IGSF11: variants seen among roughly 807,000 people sequenced by gnomAD.
The protein encoded by IGSF11 is CXADR like 1.
A neutral mutation model predicts 41.0 loss-of-function variants in IGSF11; 22 were observed. The observed-to-expected ratio is 0.54, with a 90% CI of 0.38 to 0.77. The LOEUF is 0.77. Among genes scored for constraint, IGSF11 ranks in the 30% least tolerant of loss-of-function variants. IGSF11 has a pLI of 0.00. For synonymous variants in IGSF11, 219 were observed against 201.3 expected (o/e 1.09, Z -0.74); for missense variants, 444 against 530.8 (o/e 0.84, Z 1.61).
intron 1 of IGSF11, among the ~76,000 whole-genome samples, chr3:118,992,506 T>C (rs1234706495): frequency 6.6e-6 from 1 of 152,224 alleles, no homozygotes; most frequent in Non-Finnish European, 1.5e-5. Flanking sequence ...ATTAACAGAT[T>C]CTTGCAAATA....
At chr3:119,029,277 C>CCGA (rs1553716858) in intron 1 of IGSF11, among the ~76,000 whole-genome samples, 9,837 of 145,664 alleles carry the variant, frequency 0.068, 428 homozygotes, top group Admixed American at 0.094. Context: ...CACACACACC[C>CCGA]GAGAGAGAGA....
intron 1 of IGSF11, among the ~76,000 whole-genome samples, chr3:118,932,161 G>A (rs1361558007): frequency 6.6e-6 from 1 of 152,158 alleles, no homozygotes; most frequent in Non-Finnish European, 1.5e-5. Flanking sequence ...CAAAATAACT[G>A]TTTTCTCTTC....
chr3:118,946,838 G>A (rs751858875), intron 1 of IGSF11, among the ~76,000 whole-genome samples: 4 of 152,184 alleles, frequency 2.6e-5, no homozygotes, highest in East Asian at 1.9e-4. Flanking sequence ...ATGGCCGGGC[G>A]CAGTGGCTCA....
chr3:119,093,879 A>T (rs1228438397), intron 1 of IGSF11, among the ~76,000 whole-genome samples: 3 of 152,160 alleles, frequency 2.0e-5, no homozygotes, highest in African/African-American at 4.8e-5. Context: ...TGGATAATTT[A>T]TCATGAGAAA....
At chr3:118,940,007 AAAG>A (rs1365301935) in intron 1 of IGSF11, among the ~76,000 whole-genome samples, 3 of 152,204 alleles carry the variant, frequency 2.0e-5, no homozygotes, top group African/African-American at 7.2e-5. Context: ...TTCAGATATG[AAAG>A]AAGAGACATA....
At chr3:118,984,287 C>G (rs1029701480) in intron 1 of IGSF11, among the ~76,000 whole-genome samples, 1 of 151,864 alleles carries the variant, frequency 6.6e-6, no homozygotes, top group Non-Finnish European at 1.5e-5. Flanking sequence ...ATAACAGGGA[C>G]ACAAAGCACA....
At chr3:119,052,279 A>G (rs532610611) in intron 1 of IGSF11, among the ~76,000 whole-genome samples, 1 of 152,244 alleles carries the variant, frequency 6.6e-6, no homozygotes, top group Admixed American at 6.5e-5. Context: ...CAGGAGTTCG[A>G]GACAAGTCTG....
intron 3 of IGSF11, 86 bp downstream of exon 3, chr3:118,928,423 G>A (rs1942543291): frequency 1.1e-6 from 1 of 950,716 alleles, no homozygotes; most frequent in Admixed American, 1.9e-5. Context: ...CAGACTGAAG[G>A]TGTAGAAACA....
At chr3:119,008,774 T>G (rs1937724271) in intron 1 of IGSF11, among the ~76,000 whole-genome samples, 1 of 152,202 alleles carries the variant, frequency 6.6e-6, no homozygotes, top group Non-Finnish European at 1.5e-5. Flanking sequence ...GAGGGTGTTT[T>G]TTAATGAGAT....
chr3:119,005,546 T>G (rs1009418210), intron 1 of IGSF11, among the ~76,000 whole-genome samples: 1 of 138,852 alleles, frequency 7.2e-6, no homozygotes, highest in East Asian at 2.0e-4. Flanking sequence ...TTGATGCAGT[T>G]TCTTCCTAGT....
intron 1 of IGSF11, among the ~76,000 whole-genome samples, chr3:119,110,924 T>C (rs2077145293): frequency 6.6e-6 from 1 of 151,854 alleles, no homozygotes; most frequent in Non-Finnish European, 1.5e-5. Flanking sequence ...TGGCCCCCAC[T>C]CTCTTCTGGC....
intron 4 of IGSF11, among the ~76,000 whole-genome samples, chr3:118,914,243 C>G (rs187976780): frequency 6.6e-6 from 1 of 151,902 alleles, no homozygotes; most frequent in African/African-American, 2.4e-5. Context: ...AATAGAAAAT[C>G]GGGGAGGAGC....
chr3:119,139,708 A>C (rs536891886), intron 1 of IGSF11, among the ~76,000 whole-genome samples: 2 of 152,318 alleles, frequency 1.3e-5, no homozygotes, highest in South Asian at 4.1e-4. Flanking sequence ...AAAATGGACT[A>C]ATATAGTATT....
intron 4 of IGSF11, among the ~76,000 whole-genome samples, chr3:118,908,014 A>G (rs1394943825): frequency 6.6e-6 from 1 of 152,142 alleles, no homozygotes; most frequent in Non-Finnish European, 1.5e-5. Context: ...AATCAACCAC[A>G]TAATTTGTGT....
At position 119,034,590 on chromosome 3, in the gene IGSF11, C is replaced by T. The variant is rs763911090; in HGVS notation, c.-8G>A. On this transcript the variant is annotated 5_prime_UTR_variant, in exon 1 of 7. Coordinates refer to ENST00000393775, the MANE Select transcript of IGSF11 (RefSeq NM_001015887.3). Reference sequence around the variant, plus strand: ...GGAACGCTGAGAAGTCATCCCGGGGCCGCAGGGAGCGCGCCTGCCTCCTAC... The same window carrying T: ...GGAACGCTGAGAAGTCATCCCGGGGTCGCAGGGAGCGCGCCTGCCTCCTAC... The T allele has an allele frequency of 7.6e-6, 12 of 1,586,958 alleles. No individual in the cohort carries two copies. In the South Asian group the frequency reaches 1.0e-4, roughly 14 times the overall value.
At chr3:119,065,733 C>A (rs1370778884) in intron 1 of IGSF11, among the ~76,000 whole-genome samples, 8 of 137,976 alleles carry the variant, frequency 5.8e-5, no homozygotes, top group Middle Eastern at 8.0e-3. Context: ...GTGGATGTTG[C>A]AGTGAGCCAA....
In IGSF11 at chr3:119,057,279, A is replaced by AG. The variant is rs577709753; in HGVS notation, c.49+47864dup. Among the ~76,000 whole-genome samples, 291 of 152,218 alleles carry AG rather than the reference A, an allele frequency of 1.9e-3. 11 individuals carry two copies. Among genetic ancestry groups the AG allele is most frequent in the Admixed American group, 0.017 (259 of 15,252 alleles). On this transcript the variant is annotated intron_variant, in intron 1 of 6. Transcript: ENST00000354673. ...TCATAAGCAACTTCAGCAAAGTCTC[A>AG]GATACAAAATCAATGTACAAAAATC...
chr3:118,965,922 A>G (rs1017597732), intron 1 of IGSF11, among the ~76,000 whole-genome samples: 34 of 152,130 alleles, frequency 2.2e-4, no homozygotes, highest in Non-Finnish European at 1.6e-4. Context: ...AGTTGGGTGG[A>G]TGAGTTCTGG....
chr3:119,116,708 A>T (rs2077260355), intron 1 of IGSF11, among the ~76,000 whole-genome samples: 1 of 152,204 alleles, frequency 6.6e-6, no homozygotes, highest in East Asian at 1.9e-4. Context: ...AGGTGCAGAC[A>T]TTATTCCAGA....
Sources: allele counts gnomAD v4.1 joint callset (sites outside exome capture counted in the v4.1 genomes callset), GRCh38; gene constraint gnomAD v4.1.1; transcripts MANE v1.5; gene names NCBI Gene and HGNC (gene_info 2026-07-23, HGNC 2026-07-21).